The following CSMD3 variants were observed in gnomAD, a reference collection of about 807,000 sequenced individuals.
CSMD3 encodes the protein CUB and sushi domain-containing protein 3.
In CSMD3, 177 loss-of-function variants were observed where a neutral mutation model predicts 435.2. That is an observed-to-expected ratio of 0.41 (90% confidence interval 0.36 to 0.46). The LOEUF (loss-of-function observed/expected upper bound fraction) is 0.46. Ranked by LOEUF, CSMD3 falls within the 20% of genes least tolerant of loss-of-function variation. The pLI, the probability that CSMD3 is intolerant of heterozygous loss-of-function variation, is 0.34. For synonymous variants in CSMD3, 1,656 were observed against 1,520.5 expected (o/e 1.09, Z -2.07); for missense variants, 4,265 against 4,504.6 (o/e 0.95, Z 1.52).
At chr8:112,601,299 C>T (rs1200654582) in intron 22 of CSMD3, among the ~76,000 whole-genome samples, 1 of 151,668 alleles carries the variant, frequency 6.6e-6, no homozygotes, top group Non-Finnish European at 1.5e-5. Context: ...GTGAAGTAAC[C>T]CTGTGTTTTG....
intron 15 of CSMD3, among the ~76,000 whole-genome samples, chr8:112,684,957 T>C (rs2075978964): frequency 6.6e-6 from 1 of 152,172 alleles, no homozygotes; most frequent in Non-Finnish European, 1.5e-5. Flanking sequence ...TGTAGCCATG[T>C]GATTTTTTCT....
chr8:112,560,847 T>C (rs1294925773), intron 24 of CSMD3, among the ~76,000 whole-genome samples: 3 of 151,686 alleles, frequency 2.0e-5, no homozygotes, highest in Admixed American at 6.6e-5. Flanking sequence ...AGATATAATA[T>C]TCAGTTTATC....
At chr8:112,739,446 AAT>A (rs1227910829) in intron 13 of CSMD3, among the ~76,000 whole-genome samples, 1 of 151,764 alleles carries the variant, frequency 6.6e-6, no homozygotes, top group African/African-American at 2.4e-5. Flanking sequence ...TATTTCCACA[AAT>A]AGTTTTTACT....
intron 47 of CSMD3, among the ~76,000 whole-genome samples, chr8:112,318,046 A>G (rs1822636149): frequency 6.6e-6 from 1 of 152,200 alleles, no homozygotes; most frequent in Non-Finnish European, 1.5e-5. Context: ...ATCACAGCTT[A>G]GCACATCATT....
intron 56 of CSMD3, among the ~76,000 whole-genome samples, chr8:112,290,704 A>G (rs1488004075): frequency 6.6e-6 from 1 of 151,984 alleles, no homozygotes; most frequent in South Asian, 2.1e-4. Context: ...AAAACCAAAA[A>G]TTATTTGCCA....
intron 13 of CSMD3, among the ~76,000 whole-genome samples, chr8:112,768,318 A>C (rs1186227411): frequency 2.0e-5 from 3 of 151,866 alleles, no homozygotes; most frequent in African/African-American, 7.2e-5. Flanking sequence ...TAAAAACTAA[A>C]AAACAGTGAA....
chr8:113,227,289 G>T (rs1371652219), intron 3 of CSMD3, among the ~76,000 whole-genome samples: 1 of 151,554 alleles, frequency 6.6e-6, no homozygotes, highest in Non-Finnish European at 1.5e-5. Flanking sequence ...AATAAAGAAA[G>T]GTTGTGGGGT....
chr8:113,368,221 T>C (rs2133036630), intron 1 of CSMD3, among the ~76,000 whole-genome samples: 1 of 152,210 alleles, frequency 6.6e-6, no homozygotes, highest in African/African-American at 2.4e-5. Context: ...TAACTCACCT[T>C]CCCAGCTGTG....
At chr8:113,387,462 T>A (rs2094444039) in intron 1 of CSMD3, among the ~76,000 whole-genome samples, 1 of 151,726 alleles carries the variant, frequency 6.6e-6, no homozygotes, top group Non-Finnish European at 1.5e-5. Flanking sequence ...GGAACAAAGA[T>A]AAATAAGATA....
intron 3 of CSMD3, among the ~76,000 whole-genome samples, chr8:113,262,183 T>G (rs1375189524): frequency 6.6e-6 from 1 of 152,038 alleles, no homozygotes. Context: ...ATTGAAATGT[T>G]TGTAACCTAT....
chr8:112,855,597 A>T (rs1337166210), intron 11 of CSMD3, among the ~76,000 whole-genome samples: 1 of 152,070 alleles, frequency 6.6e-6, no homozygotes, highest in Non-Finnish European at 1.5e-5. Context: ...GAAAAAATAG[A>T]TGGATGGATG....
chr8:112,616,082 A>T (rs1022295506), intron 22 of CSMD3, among the ~76,000 whole-genome samples: 1 of 152,254 alleles, frequency 6.6e-6, no homozygotes, highest in African/African-American at 2.4e-5. Context: ...GACTCGAGTC[A>T]GAATACCTGA....
At chr8:112,750,942 C>T (rs1412403732) in intron 13 of CSMD3, among the ~76,000 whole-genome samples, 2 of 151,698 alleles carry the variant, frequency 1.3e-5, no homozygotes, top group East Asian at 1.9e-4. Context: ...CTATGAAGAG[C>T]TTATTTTTCC....
At chr8:112,351,341 C>A (rs1586848557) in intron 39 of CSMD3, 97 bp from the exon 40 acceptor site, 1 of 813,180 alleles carries the variant, frequency 1.2e-6, no homozygotes, top group South Asian at 1.5e-5. Context: ...AGCTTAAGTA[C>A]ATGGCTTTAT....
intron 13 of CSMD3, among the ~76,000 whole-genome samples, chr8:112,740,734 C>T (rs1256958166): frequency 6.6e-6 from 1 of 151,782 alleles, no homozygotes; most frequent in African/African-American, 2.4e-5. Flanking sequence ...GCACGCCACA[C>T]GTAACAGGAG....
chr8:112,456,720 C>T (rs968913311), intron 32 of CSMD3, among the ~76,000 whole-genome samples: 2 of 152,030 alleles, frequency 1.3e-5, no homozygotes, highest in African/African-American at 4.8e-5. Flanking sequence ...GAATAAATAA[C>T]TTACATGAGA....
chr8:112,858,159 G>T (rs1587493558), intron 11 of CSMD3, among the ~76,000 whole-genome samples: 1 of 151,474 alleles, frequency 6.6e-6, no homozygotes, highest in South Asian at 2.1e-4. Context: ...ATTCCCGGGA[G>T]GCAATATATA....
At chr8:112,334,781 A>C (rs537385370) in intron 45 of CSMD3, among the ~76,000 whole-genome samples, 113 of 152,310 alleles carry the variant, frequency 7.4e-4, no homozygotes, top group African/African-American at 2.6e-3. Flanking sequence ...AATGAAATCA[A>C]ATTGAGACTA....
At chr8:113,253,720 G>A (rs1396814363) in intron 3 of CSMD3, among the ~76,000 whole-genome samples, 1 of 151,654 alleles carries the variant, frequency 6.6e-6, no homozygotes, top group Non-Finnish European at 1.5e-5. Context: ...TGTGCTGTAA[G>A]CCCAGCTACT....
Sources: gnomAD v4.1 joint callset for allele counts (sites outside exome capture counted in the v4.1 genomes callset) on GRCh38, gnomAD v4.1.1 for gene constraint, MANE v1.5 for transcripts, NCBI Gene and HGNC (gene_info 2026-07-23, HGNC 2026-07-21) for gene names.